DGKB: variants seen among roughly 807,000 people sequenced by gnomAD.
DGKB encodes the protein diacylglycerol kinase beta, also known as 90 kDa diacylglycerol kinase.
DGKB carries 67 observed loss-of-function variants against 114.3 expected under a neutral mutation model. That is an observed-to-expected ratio of 0.59 (90% CI 0.48 to 0.72). The LOEUF (loss-of-function observed/expected upper bound fraction) is 0.72. Ranked by LOEUF, DGKB falls within the 30% of genes least tolerant of loss-of-function variation. The pLI is 0.00. For missense variants in DGKB, 907 were observed against 975.2 expected, an observed-to-expected ratio of 0.93 and a Z score of 0.93; for synonymous variants, 398 against 323.1, an observed-to-expected ratio of 1.23 and a Z score of -2.49.
At chr7:14,714,076 AACACAC>A (rs71004329) in intron 6 of DGKB, among the ~76,000 whole-genome samples, 55,280 of 147,632 alleles carry the variant, frequency 0.37, 11,385 homozygotes, top group East Asian at 0.77. Context: ...TACCTGTTGA[AACACAC>A]ACACACACAC....
intron 8 of DGKB, among the ~76,000 whole-genome samples, chr7:14,695,068 C>A (rs377335044): frequency 5.9e-5 from 9 of 152,048 alleles, no homozygotes; most frequent in African/African-American, 1.9e-4. Flanking sequence ...ATGCAGAGAG[C>A]ATTGGAACAG....
intron 21 of DGKB, among the ~76,000 whole-genome samples, chr7:14,375,460 T>C (rs1818326518): frequency 1.3e-5 from 2 of 151,934 alleles, no homozygotes; most frequent in African/African-American, 4.9e-5. Context: ...TAGCTTCATC[T>C]GACAAAAGAC....
chr7:14,291,585 C>A (rs1371196921), intron 23 of DGKB, among the ~76,000 whole-genome samples: 2 of 151,760 alleles, frequency 1.3e-5, no homozygotes, highest in African/African-American at 4.9e-5. Context: ...GTTCTGAGGA[C>A]CTGATCTCTA....
intron 1 of DGKB, among the ~76,000 whole-genome samples, chr7:14,901,466 A>G (rs1164725070): frequency 6.6e-6 from 1 of 152,176 alleles, no homozygotes; most frequent in Non-Finnish European, 1.5e-5. Flanking sequence ...TTAAAATCTT[A>G]CATTCTCTTT....
intron 21 of DGKB, among the ~76,000 whole-genome samples, chr7:14,463,330 C>T (rs1833370291): frequency 6.6e-6 from 1 of 152,092 alleles, no homozygotes; most frequent in Non-Finnish European, 1.5e-5. Flanking sequence ...TACCGTGGCA[C>T]ATGTATACCT....
chr7:14,626,149 C>T (rs936858829), intron 14 of DGKB, among the ~76,000 whole-genome samples: 1 of 152,240 alleles, frequency 6.6e-6, no homozygotes, highest in South Asian at 2.1e-4. Context: ...AGTATTTGTA[C>T]ACTGGTGAAA....
chr7:14,964,911 T>A (rs542946808), intron 1 of DGKB, among the ~76,000 whole-genome samples: 1 of 152,206 alleles, frequency 6.6e-6, no homozygotes, highest in East Asian at 1.9e-4. Flanking sequence ...TAGTACTGGA[T>A]CATAACCCAA....
At chr7:14,341,554 GA>G (rs1811602167) in intron 22 of DGKB, among the ~76,000 whole-genome samples, 1 of 151,854 alleles carries the variant, frequency 6.6e-6, no homozygotes. Context: ...TTATTAGGTA[GA>G]AAAAAGGTCG....
At chr7:14,557,794 T>G (rs980804401) in intron 20 of DGKB, among the ~76,000 whole-genome samples, 1 of 151,892 alleles carries the variant, frequency 6.6e-6, no homozygotes, top group Non-Finnish European at 1.5e-5. Context: ...CTTGGTTTAT[T>G]TTTATTTCCA....
chr7:14,944,514 CT>C (rs1254599352), intron 1 of DGKB, among the ~76,000 whole-genome samples: 1 of 151,850 alleles, frequency 6.6e-6, no homozygotes, highest in Admixed American at 6.6e-5. Context: ...TTTCTATGAA[CT>C]TTCTTGAGAA....
intron 19 of DGKB, among the ~76,000 whole-genome samples, chr7:14,579,995 G>T (rs1799690967): frequency 6.6e-6 from 1 of 152,150 alleles, no homozygotes; most frequent in African/African-American, 2.4e-5. Flanking sequence ...AAGTCTGATG[G>T]TGTTTAGTGA....
chr7:14,724,211 A>G (rs1014803948), intron 5 of DGKB, among the ~76,000 whole-genome samples: 3 of 152,210 alleles, frequency 2.0e-5, no homozygotes, highest in Non-Finnish European at 2.9e-5. Context: ...GTATAATTAT[A>G]TTTCCAACAT....
At chr7:14,269,505 T>G (rs961413309) in intron 23 of DGKB, among the ~76,000 whole-genome samples, 1 of 152,202 alleles carries the variant, frequency 6.6e-6, no homozygotes, top group Non-Finnish European at 1.5e-5. Flanking sequence ...GAGCCACGGT[T>G]AGTATATATT....
chr7:14,303,130 C>T (rs1803849006), intron 23 of DGKB, among the ~76,000 whole-genome samples: 1 of 152,118 alleles, frequency 6.6e-6, no homozygotes, highest in East Asian at 1.9e-4. Context: ...AAAATGACGT[C>T]TTTTTATGGC....
At chr7:14,954,632 G>T (rs934757151) in intron 1 of DGKB, among the ~76,000 whole-genome samples, 1 of 151,964 alleles carries the variant, frequency 6.6e-6, no homozygotes, top group Non-Finnish European at 1.5e-5. Flanking sequence ...AAATATGGTG[G>T]CAAGATATAC....
intron 13 of DGKB, among the ~76,000 whole-genome samples, chr7:14,657,832 T>G (rs143334768): frequency 7.4e-4 from 112 of 152,040 alleles, no homozygotes; most frequent in Non-Finnish European, 1.1e-3. Context: ...TTAGCTGATG[T>G]GTAGCATTGG....
chr7:14,396,870 T>TG (rs550841807), intron 21 of DGKB, among the ~76,000 whole-genome samples: 38 of 152,258 alleles, frequency 2.5e-4, no homozygotes, highest in Middle Eastern at 6.8e-3. Flanking sequence ...GCAGAATAGT[T>TG]GCTGTAGTCT....
intron 13 of DGKB, among the ~76,000 whole-genome samples, chr7:14,664,877 G>C (rs1817753728): frequency 6.6e-6 from 1 of 151,258 alleles, no homozygotes; most frequent in Non-Finnish European, 1.5e-5. Flanking sequence ...TAAAAATTAA[G>C]GGGAAGAAAA....
chr7:14,267,366 G>C (rs970915332), intron 23 of DGKB, among the ~76,000 whole-genome samples: 5 of 152,170 alleles, frequency 3.3e-5, no homozygotes, highest in Non-Finnish European at 5.9e-5. Context: ...CAGCCTTTCA[G>C]ACCTGTGCTA....
Sources: gnomAD v4.1 joint callset for allele counts (sites outside exome capture counted in the v4.1 genomes callset) on GRCh38, gnomAD v4.1.1 for gene constraint, MANE v1.5 for transcripts, NCBI Gene and HGNC (gene_info 2026-07-23, HGNC 2026-07-21) for gene names.